RAB3C: variants seen among roughly 807,000 people sequenced by gnomAD.
RAB3C encodes RAB3C, member RAS oncogene family.
In RAB3C, 17 loss-of-function variants were observed where a neutral mutation model predicts 26.4. The ratio of observed to expected loss-of-function variants is 0.64; its 90% CI spans 0.44 to 0.97. The LOEUF (loss-of-function observed/expected upper bound fraction) is 0.97. Among genes scored for constraint, RAB3C ranks in the 50% least tolerant of loss-of-function variants. RAB3C has a pLI of 0.00. For synonymous variants in RAB3C, 91 were observed against 95.9 expected (o/e 0.95, Z 0.30); for missense variants, 242 against 281.9 (o/e 0.86, Z 1.01).
At chr5:58,745,267 G>A (rs964943805) in intron 3 of RAB3C, among the ~76,000 whole-genome samples, 3 of 151,294 alleles carry the variant, frequency 2.0e-5, no homozygotes, top group Middle Eastern at 3.5e-3. Context: ...GCATAGTGGC[G>A]GGTGCCTGTG....
intron 2 of RAB3C, among the ~76,000 whole-genome samples, chr5:58,645,684 T>C (rs1310108874): frequency 7.2e-5 from 11 of 152,228 alleles, no homozygotes; most frequent in Admixed American, 7.2e-4. Context: ...GTGGATATCA[T>C]AGCATTTTCA....
chr5:58,630,429 T>C (rs567729424), intron 2 of RAB3C, among the ~76,000 whole-genome samples: 47 of 152,328 alleles, frequency 3.1e-4, no homozygotes, highest in African/African-American at 1.1e-3. Context: ...ATATTTATTT[T>C]CATTTTAAAA....
At chr5:58,602,540 A>T (rs776642980) in intron 1 of RAB3C, among the ~76,000 whole-genome samples, 2 of 152,048 alleles carry the variant, frequency 1.3e-5, no homozygotes, top group Non-Finnish European at 2.9e-5. Flanking sequence ...TTAGGTGCAT[A>T]TGTTTAGGAT....
At chr5:58,816,560 A>C (rs1033664138) in intron 3 of RAB3C, among the ~76,000 whole-genome samples, 2 of 152,304 alleles carry the variant, frequency 1.3e-5, no homozygotes, top group East Asian at 1.9e-4. Context: ...CAAGCACAGA[A>C]GTGGTAAGGC....
At chr5:58,658,797 G>A (rs1200604946) in intron 2 of RAB3C, among the ~76,000 whole-genome samples, 1 of 152,134 alleles carries the variant, frequency 6.6e-6, no homozygotes, top group East Asian at 1.9e-4. Flanking sequence ...GGGTTACTGA[G>A]CCAAGTGTAT....
At chr5:58,831,321 C>A (rs920431745) in intron 4 of RAB3C, among the ~76,000 whole-genome samples, 3 of 152,224 alleles carry the variant, frequency 2.0e-5, no homozygotes, top group Admixed American at 2.0e-4. Context: ...ATGGAAGATG[C>A]TAGAAAATAA....
chr5:58,685,404 TTC>T (rs1561288709), intron 2 of RAB3C, among the ~76,000 whole-genome samples: 1 of 152,148 alleles, frequency 6.6e-6, no homozygotes, highest in Non-Finnish European at 1.5e-5. Flanking sequence ...ACCCAGAATC[TTC>T]TCTCTTTAAC....
intron 2 of RAB3C, among the ~76,000 whole-genome samples, chr5:58,724,862 T>A (rs1031163859): frequency 6.6e-6 from 1 of 151,836 alleles, no homozygotes; most frequent in African/African-American, 2.4e-5. Flanking sequence ...TCTGACTTTG[T>A]GTTATTACAA....
At chr5:58,747,194 G>A (rs1209088289) in intron 3 of RAB3C, among the ~76,000 whole-genome samples, 4 of 152,098 alleles carry the variant, frequency 2.6e-5, no homozygotes, top group African/African-American at 7.2e-5. Flanking sequence ...GATAATATTT[G>A]AAGGATCTTT....
chr5:58,814,068 C>A lies in RAB3C; in HGVS notation c.372-10970C>A, dbSNP rs535511576. On this transcript the variant is annotated intron_variant, in intron 3 of 4. Coordinates refer to ENST00000282878, the MANE Select transcript of RAB3C (RefSeq NM_138453.4). ...TCGCAATCTTTCCTGACAGTGGGAT[C>A]TCAAAAGAGTAGTTTAGTGTTGGAG... Among the ~76,000 whole-genome samples, 4 of 152,302 alleles carry A rather than the reference C, an allele frequency of 2.6e-5. No individual in the cohort carries two copies. In the South Asian group the frequency reaches 8.3e-4, roughly 32 times the overall value.
intron 2 of RAB3C, among the ~76,000 whole-genome samples, chr5:58,626,584 G>C (rs1331289246): frequency 1.3e-5 from 2 of 152,120 alleles, no homozygotes; most frequent in Non-Finnish European, 2.9e-5. Flanking sequence ...TATGACCTTG[G>C]ACAAGTTAAT....
intron 1 of RAB3C, among the ~76,000 whole-genome samples, chr5:58,595,770 G>A (rs1746233194): frequency 6.6e-6 from 1 of 152,074 alleles, no homozygotes; most frequent in Non-Finnish European, 1.5e-5. Flanking sequence ...GGAGAGAACA[G>A]GTATTTGAAA....
intron 2 of RAB3C, among the ~76,000 whole-genome samples, chr5:58,672,678 C>T (rs572086135): frequency 6.6e-6 from 1 of 152,084 alleles, no homozygotes; most frequent in Non-Finnish European, 1.5e-5. Context: ...TCAAGGTATA[C>T]ATGATAATGT....
At chr5:58,612,520 G>GTA (rs200928384) in intron 1 of RAB3C, among the ~76,000 whole-genome samples, 848 of 78,992 alleles carry the variant, frequency 0.011, 11 homozygotes, top group African/African-American at 0.022. Flanking sequence ...GTGTGTGTGT[G>GTA]TATATATATA....
chr5:58,834,867 T>G (rs889608606), intron 4 of RAB3C, among the ~76,000 whole-genome samples: 3 of 152,236 alleles, frequency 2.0e-5, no homozygotes, highest in Non-Finnish European at 2.9e-5. Flanking sequence ...CAGTTCCTGT[T>G]AACCTGATCT....
intron 4 of RAB3C, among the ~76,000 whole-genome samples, chr5:58,830,448 A>C (rs1743588762): frequency 1.3e-5 from 2 of 152,138 alleles, no homozygotes; most frequent in South Asian, 4.1e-4. Flanking sequence ...TGACCATGCT[A>C]CATCATATGT....
At chr5:58,670,948 A>T (rs1338747833) in intron 2 of RAB3C, among the ~76,000 whole-genome samples, 1 of 152,146 alleles carries the variant, frequency 6.6e-6, no homozygotes, top group Non-Finnish European at 1.5e-5. Context: ...CCTGGCCATC[A>T]TATGTTTTTC....
chr5:58,604,512 A>G (rs1746519939), intron 1 of RAB3C, among the ~76,000 whole-genome samples: 1 of 151,962 alleles, frequency 6.6e-6, no homozygotes, highest in African/African-American at 2.4e-5. Flanking sequence ...TGGGGGTGAG[A>G]TTTCCAGGAC....
chr5:58,745,488 A>G (rs531713284), intron 3 of RAB3C, among the ~76,000 whole-genome samples: 14 of 150,240 alleles, frequency 9.3e-5, no homozygotes, highest in African/African-American at 2.9e-4. Flanking sequence ...ACAAGCTGTT[A>G]TTCAAATGCA....
Sources: gnomAD v4.1 joint callset for allele counts (sites outside exome capture counted in the v4.1 genomes callset) on GRCh38, gnomAD v4.1.1 for gene constraint, MANE v1.5 for transcripts, NCBI Gene and HGNC (gene_info 2026-07-23, HGNC 2026-07-21) for gene names.